The following SAMSN1 variants were observed in gnomAD, a reference collection of about 807,000 sequenced individuals.
The protein encoded by SAMSN1 is SAM domain-containing protein SAMSN-1.
In SAMSN1, 31 loss-of-function variants were observed where a neutral mutation model predicts 42.0. The ratio of observed to expected loss-of-function variants is 0.74; its 90% CI spans 0.55 to 1.00. The LOEUF (loss-of-function observed/expected upper bound fraction) is 1.00, where lower values mean the gene tolerates loss of function less well. Among genes scored for constraint, SAMSN1 ranks in the 50% least tolerant of loss-of-function variants. The pLI, the probability that SAMSN1 is intolerant of heterozygous loss-of-function variation, is 0.00. For synonymous variants in SAMSN1, 178 were observed against 151.9 expected (o/e 1.17, Z -1.26); for missense variants, 464 against 439.4 (o/e 1.06, Z -0.50).
chr21:14,643,915 G>C (rs1219326079), intron 1 of SAMSN1, among the ~76,000 whole-genome samples: 1 of 152,176 alleles, frequency 6.6e-6, no homozygotes, highest in Non-Finnish European at 1.5e-5. Context: ...TGTCCTGTTA[G>C]AGAAGAAAGA....
chr21:14,498,468 G>C lies in SAMSN1; in HGVS notation c.893C>G (p.Ala298Gly). Residue 298 changes from alanine to glycine, a missense_variant, in exon 7 of 8, where the codon GCT becomes GGT. Ala to Gly is a moderately conservative substitution (Grantham distance 60). Transcript: ENST00000400566. ...TTCTTCTTCAAGGAAGTTTTCAGCAGCTGATAGTAACCTTCTTCTGTCATC... is the reference window on the plus strand; with the variant it reads ...TTCTTCTTCAAGGAAGTTTTCAGCACCTGATAGTAACCTTCTTCTGTCATC... ...NPDDRRRLLS[A>G]AENFLEEEII... 6.2e-7 allele frequency: 1 copy of C among 1,610,326 alleles called. No homozygotes were observed. The highest frequency in any genetic ancestry group is 8.5e-7 in the Non-Finnish European group (1 of 1,178,994).
At chr21:14,505,086 T>C (rs1987338473) in intron 5 of SAMSN1, among the ~76,000 whole-genome samples, 1 of 152,008 alleles carries the variant, frequency 6.6e-6, no homozygotes, top group Non-Finnish European at 1.5e-5. Flanking sequence ...TAAAAGGAGC[T>C]CTAAATCTTC....
intron 5 of SAMSN1, among the ~76,000 whole-genome samples, chr21:14,504,830 T>A (rs1211140756): frequency 6.6e-6 from 1 of 152,082 alleles, no homozygotes; most frequent in African/African-American, 2.4e-5. Flanking sequence ...AAGGAAAGAA[T>A]CTTAAGAGCA....
intron 5 of SAMSN1, among the ~76,000 whole-genome samples, chr21:14,503,643 C>G (rs1987271705): frequency 6.6e-6 from 1 of 152,096 alleles, no homozygotes; most frequent in South Asian, 2.1e-4. Context: ...GGAGAAAGGT[C>G]TCTGGTTACT....
intron 1 of SAMSN1, chr21:14,658,621 G>A: frequency 1.6e-6 from 1 of 619,554 alleles, no homozygotes; most frequent in Admixed American, 2.7e-5. Flanking sequence ...TTTGTGATGT[G>A]AACTTTCTGA....
At chr21:14,515,122 C>CAAATACAGTTGA (rs1987851729) in intron 3 of SAMSN1, among the ~76,000 whole-genome samples, 2 of 152,074 alleles carry the variant, frequency 1.3e-5, no homozygotes, top group South Asian at 4.2e-4. Context: ...GCACTTGGGT[C>CAAATACAGTTGA]AAATACAGTT....
chr21:14,539,050 A>G (rs1218536477), intron 1 of SAMSN1, among the ~76,000 whole-genome samples: 1 of 152,140 alleles, frequency 6.6e-6, no homozygotes, highest in Non-Finnish European at 1.5e-5. Context: ...ATGTCTTTCT[A>G]TTTTCAAAAT....
In SAMSN1 at chr21:14,624,099, C is replaced by T. The variant is rs536147854; in HGVS notation, c.157-8083G>A. On this transcript the variant is annotated intron_variant, in intron 2 of 15. Transcript: ENST00000647101. ...CCAATGAGAACAAAGACACAACATACCAGAATCTCTGGGACACATTTAAAG... is the reference window on the plus strand; with the variant it reads ...CCAATGAGAACAAAGACACAACATATCAGAATCTCTGGGACACATTTAAAG... Among the ~76,000 whole-genome samples, 6 of 152,232 alleles carry T rather than the reference C, an allele frequency of 3.9e-5. No homozygotes were observed. The East Asian group carries it at 7.7e-4, about 20-fold the overall frequency.
rs183080331 is a variant in SAMSN1 at position 14,552,653 on chromosome 21, A to G, written c.261+29483T>C. Among the ~76,000 whole-genome samples the G allele has an allele frequency of 9.9e-5, 15 of 152,162 alleles. No individual in the cohort carries two copies. The East Asian group carries it at 2.9e-3, about 29-fold the overall frequency. On this transcript the variant is annotated intron_variant, in intron 2 of 8. Coordinates refer to the SAMSN1 transcript ENST00000285670. ...TTTCTGTTGTTTGGAAGCTACCCCA[A>G]GTTTATGGTATTTTATTATAGCAGC...
intron 6 of SAMSN1, chr21:14,598,207 A>C (rs1333538595): frequency 1.3e-5 from 2 of 152,180 alleles, no homozygotes; most frequent in Non-Finnish European, 2.9e-5. Context: ...AATAAATATT[A>C]TCTCTCTTTT....
At chr21:14,577,284 A>ATATTTTTT (rs1460040142) in intron 2 of SAMSN1, among the ~76,000 whole-genome samples, 5 of 53,848 alleles carry the variant, frequency 9.3e-5, no homozygotes, top group African/African-American at 4.2e-4. Context: ...ATATATATAT[A>ATATTTTTT]TTTTTTTTTT....
chr21:14,562,148 T>C (rs546168678), intron 2 of SAMSN1, among the ~76,000 whole-genome samples: 3 of 152,300 alleles, frequency 2.0e-5, no homozygotes, highest in East Asian at 3.9e-4. Context: ...TGGGGAACAA[T>C]TGAAGAACCA....
intron 2 of SAMSN1, among the ~76,000 whole-genome samples, chr21:14,579,430 T>TG (rs1452103955): frequency 3.3e-5 from 5 of 152,120 alleles, no homozygotes; most frequent in African/African-American, 7.2e-5. Context: ...AACACTCACA[T>TG]GTACAAAATA....
chr21:14,637,395 AAT>A (rs779684446), intron 2 of SAMSN1, among the ~76,000 whole-genome samples: 1 of 152,230 alleles, frequency 6.6e-6, no homozygotes, highest in African/African-American at 2.4e-5. Flanking sequence ...GGCTTAATTC[AAT>A]ATGTTATTAA....
At chr21:14,569,175 G>C (rs1981210543) in intron 2 of SAMSN1, among the ~76,000 whole-genome samples, 1 of 151,940 alleles carries the variant, frequency 6.6e-6, no homozygotes. Flanking sequence ...CATGCCTATA[G>C]TCCTGTCTAC....
intron 5 of SAMSN1, among the ~76,000 whole-genome samples, chr21:14,503,880 C>A (rs112741771): frequency 6.6e-6 from 1 of 152,134 alleles, no homozygotes; most frequent in South Asian, 2.1e-4. Flanking sequence ...ATCTAAATAC[C>A]GTGCTGGCAT....
At chr21:14,519,700 T>C (rs1035832889) in intron 2 of SAMSN1, among the ~76,000 whole-genome samples, 11 of 152,046 alleles carry the variant, frequency 7.2e-5, no homozygotes, top group African/African-American at 2.2e-4. Flanking sequence ...TTACAGATAG[T>C]TATATTTGAA....
chr21:14,592,311 G>A (rs9980599), intron 7 of SAMSN1: 1 of 152,440 alleles, frequency 6.6e-6, no homozygotes, highest in South Asian at 2.0e-4. Context: ...GTATCTATTG[G>A]ATTCTTAGCA....
chr21:14,548,000 G>A (rs1384558301), upstream of SAMSN1, among the ~76,000 whole-genome samples: 1 of 152,068 alleles, frequency 6.6e-6, no homozygotes, highest in African/African-American at 2.4e-5. Context: ...TGTTGAGGTG[G>A]GGTAATTCCC....
Sources: allele counts gnomAD v4.1 joint callset (sites outside exome capture counted in the v4.1 genomes callset), GRCh38; gene constraint gnomAD v4.1.1; transcripts MANE v1.5; gene names NCBI Gene and HGNC (gene_info 2026-07-23, HGNC 2026-07-21).